FTO: variants seen among roughly 807,000 people sequenced by gnomAD.
The protein encoded by FTO is FTO alpha-ketoglutarate dependent dioxygenase.
Under a neutral mutation model 63.9 loss-of-function variants are expected in FTO, and 47 were observed. The ratio of observed to expected loss-of-function variants is 0.74; its 90% CI spans 0.58 to 0.94. The LOEUF is 0.94. Ranked by LOEUF, FTO falls within the 40% of genes least tolerant of loss-of-function variation. The pLI is 0.00. For missense variants in FTO, 562 were observed against 618.1 expected, an observed-to-expected ratio of 0.91 and a Z score of 0.96; for synonymous variants, 207 against 224.4, an observed-to-expected ratio of 0.92 and a Z score of 0.69.
chr16:54,005,068 TAAAAAAAAAAAA>T (rs777739385), intron 8 of FTO, among the ~76,000 whole-genome samples: 74 of 97,760 alleles, frequency 7.6e-4, no homozygotes, highest in African/African-American at 2.6e-3. Context: ...AGGCTCCGTC[TAAAAAAAAAAAA>T]AAAAAAAAAG....
intron 1 of FTO, among the ~76,000 whole-genome samples, chr16:53,775,320 G>A (rs922954533): frequency 6.6e-6 from 1 of 152,026 alleles, no homozygotes; most frequent in African/African-American, 2.4e-5. Context: ...TCCTAGTCAC[G>A]TGTCTTGGTA....
At chr16:54,052,535 C>A (rs2085335929) in intron 8 of FTO, 1 of 152,170 alleles carries the variant, frequency 6.6e-6, no homozygotes, top group Non-Finnish European at 1.5e-5. Flanking sequence ...GCACTAAACA[C>A]CAATCACTGA....
Position 53,913,987 on chromosome 16 carries a change from A to T in FTO, c.1240-19998A>T, listed in dbSNP as rs571778328. 1.1e-4 allele frequency among the ~76,000 whole-genome samples: 10 copies of T among 89,132 alleles called. No homozygotes were observed. The South Asian group carries it at 2.9e-3, about 26-fold the overall frequency. The allele number at this position is 89,132 out of a possible 152,430, so 58.5% of individuals were successfully genotyped here. A position where few individuals can be genotyped will look rare whatever the true frequency, so the allele number is the denominator to read the frequency against. Reference sequence around the variant, plus strand: ...GAGTGAGGCTCTGTCTCAAAAAAAGAAAAAAAAAAAAAAAAGCTGGTCATA... The same window carrying T: ...GAGTGAGGCTCTGTCTCAAAAAAAGTAAAAAAAAAAAAAAAGCTGGTCATA... On this transcript the variant is annotated intron_variant, in intron 7 of 8. Coordinates refer to ENST00000471389, the MANE Select transcript of FTO (RefSeq NM_001080432.3).
chr16:54,017,603 A>G (rs768876545), intron 8 of FTO, among the ~76,000 whole-genome samples: 18 of 152,268 alleles, frequency 1.2e-4, no homozygotes, highest in South Asian at 2.1e-4. Flanking sequence ...ATTTTCCCCA[A>G]TGGGCTTCTT....
At chr16:53,818,125 A>C (rs1319106491) in intron 2 of FTO, among the ~76,000 whole-genome samples, 1 of 151,788 alleles carries the variant, frequency 6.6e-6, no homozygotes, top group African/African-American at 2.4e-5. Flanking sequence ...AGAATGAATT[A>C]ATATTAAATT....
chr16:53,856,451 A>G (rs2079999353), intron 4 of FTO, among the ~76,000 whole-genome samples: 1 of 152,062 alleles, frequency 6.6e-6, no homozygotes, highest in Admixed American at 6.5e-5. Context: ...TAGTTTTATA[A>G]ATCTTCCCCT....
intron 1 of FTO, among the ~76,000 whole-genome samples, chr16:53,775,335 G>A (rs1121980): frequency 0.43 from 65,609 of 151,826 alleles, 14,452 homozygotes; most frequent in African/African-American, 0.47. Flanking sequence ...TTGGTACTAT[G>A]TGAGATTTCA....
chr16:54,051,217 G>A (rs2085305451), intron 8 of FTO, among the ~76,000 whole-genome samples: 1 of 152,110 alleles, frequency 6.6e-6, no homozygotes, highest in Non-Finnish European at 1.5e-5. Flanking sequence ...ATGAAGGCCA[G>A]AAGAAGAAAT....
intron 7 of FTO, among the ~76,000 whole-genome samples, chr16:53,930,658 T>C (rs1054956203): frequency 1.3e-5 from 2 of 152,176 alleles, no homozygotes; most frequent in African/African-American, 4.8e-5. Context: ...TGAGTCAATT[T>C]AAAGAAAAAT....
intron 8 of FTO, among the ~76,000 whole-genome samples, chr16:54,050,727 G>T (rs888220405): frequency 6.6e-6 from 1 of 152,124 alleles, no homozygotes; most frequent in Non-Finnish European, 1.5e-5. Context: ...TAGACAGTTG[G>T]CATGACCGCA....
intron 8 of FTO, among the ~76,000 whole-genome samples, chr16:54,058,773 G>A (rs2085502689): frequency 6.6e-6 from 1 of 152,158 alleles, no homozygotes; most frequent in Non-Finnish European, 1.5e-5. Flanking sequence ...ACAATTGGTT[G>A]TGTTTGGGGC....
Position 53,844,167 on chromosome 16 carries a change from A to G in FTO, c.764A>G (p.Glu255Gly). 1 of 1,613,866 alleles carries G rather than the reference A, an allele frequency of 6.2e-7. No individual in the cohort carries two copies. The highest frequency in any genetic ancestry group is 8.5e-7 in the Non-Finnish European group (1 of 1,179,790). The change falls in exon 4 of 9, where the codon GAA (glutamate) becomes GGA (glycine). Residue 255 changes from glutamate to glycine, a missense_variant. By Grantham distance (98) the Glu-to-Gly change is moderately conservative. Transcript: ENST00000471389. Reference protein sequence around the residue: ...YSYSCEGPEEESEDDSHLEGR... With the variant: ...YSYSCEGPEEGSEDDSHLEGR... The stretch of plus-strand genomic sequence containing the variant: ...TCTCTTTTGGCAGGCCCTGAAGAGG[A>G]AAGTGAGGATGACTCTCATCTCGAA...
chr16:53,815,636 G>GTTTTTTTTTTTTTTTTTTTTTTT (rs556357629), intron 2 of FTO, among the ~76,000 whole-genome samples: 4 of 98,156 alleles, frequency 4.1e-5, no homozygotes, highest in African/African-American at 2.2e-4. Context: ...TGACTTTCTT[G>GTTTTTTTTTTTTTTTTTTTTTTT]TTTTTTTTTT....
chr16:53,983,006 T>C (rs2083581677), intron 8 of FTO, among the ~76,000 whole-genome samples: 1 of 152,064 alleles, frequency 6.6e-6, no homozygotes, highest in Non-Finnish European at 1.5e-5. Flanking sequence ...TGGCTCCAAG[T>C]TTAAAGGTAT....
chr16:53,713,153 T>G (rs986426694), intron 1 of FTO, among the ~76,000 whole-genome samples: 5 of 152,116 alleles, frequency 3.3e-5, no homozygotes, highest in Admixed American at 3.3e-4. Flanking sequence ...AAGTACCTTA[T>G]GAATTTTAAA....
chr16:53,984,493 T>C (rs1054986661), intron 8 of FTO, among the ~76,000 whole-genome samples: 2 of 151,984 alleles, frequency 1.3e-5, no homozygotes, highest in African/African-American at 2.4e-5. Flanking sequence ...GACTACTTTG[T>C]ATTTTTTTGC....
intron 1 of FTO, among the ~76,000 whole-genome samples, chr16:53,785,402 T>A (rs1336154403): frequency 6.6e-6 from 1 of 152,024 alleles, no homozygotes; most frequent in African/African-American, 2.4e-5. Context: ...GAGACAAAAA[T>A]TAAGTACAAA....
intron 6 of FTO, among the ~76,000 whole-genome samples, chr16:53,884,966 G>T (rs1412268928): frequency 1.3e-5 from 2 of 152,168 alleles, no homozygotes; most frequent in Non-Finnish European, 2.9e-5. Flanking sequence ...CTGACGGCTT[G>T]CCTCTTATTT....
At chr16:53,739,957 C>A (rs1392060371) in intron 1 of FTO, among the ~76,000 whole-genome samples, 1 of 152,100 alleles carries the variant, frequency 6.6e-6, no homozygotes, top group African/African-American at 2.4e-5. Context: ...ATAGAGGGAA[C>A]AAGAATAGAA....
Sources: allele counts gnomAD v4.1 joint callset (sites outside exome capture counted in the v4.1 genomes callset), GRCh38; gene constraint gnomAD v4.1.1; transcripts MANE v1.5; gene names NCBI Gene and HGNC (gene_info 2026-07-23, HGNC 2026-07-21).